The following ATR variants were observed in gnomAD, a reference collection of about 807,000 sequenced individuals.
ATR encodes ATR checkpoint kinase, also known as serine/threonine-protein kinase ATR.
Under a neutral mutation model 305.3 loss-of-function variants are expected in ATR, and 142 were observed. The observed-to-expected ratio is 0.47, with a 90% CI of 0.41 to 0.53. ATR has a LOEUF of 0.53. Ranked by LOEUF, ATR falls within the 20% of genes least tolerant of loss-of-function variation. ATR has a pLI of 0.00. For synonymous variants in ATR, 1,050 were observed against 1,068.1 expected (o/e 0.98, Z 0.33); for missense variants, 2,135 against 3,133.1 (o/e 0.68, Z 7.60).
intron 21 of ATR, among the ~76,000 whole-genome samples, chr3:142,527,860 T>C (rs984164544): frequency 2.0e-5 from 3 of 152,180 alleles, no homozygotes; most frequent in Admixed American, 2.0e-4. Flanking sequence ...AAGGAATCTG[T>C]ACCCATCAGC....
chr3:142,505,146 G>A lies in ATR; in HGVS notation c.5189C>T (p.Pro1730Leu), dbSNP rs769649094. The change falls in exon 29 of 47, where the codon CCA becomes CTA. Residue 1730 changes from proline (P) to leucine (L), a missense_variant. Physicochemically the swap from Pro to Leu is moderately conservative, Grantham distance 98. Coordinates refer to ENST00000350721, the MANE Select transcript of ATR (RefSeq NM_001184.4). ...TTTCAATTATTATCTTACCTGGTCTGGTTCTAGCTGAATAGCCCTGTCATA... is the reference window on the plus strand; with the variant it reads ...TTTCAATTATTATCTTACCTGGTCTAGTTCTAGCTGAATAGCCCTGTCATA... ...ACYDRAIQLEPDQIIHYHGVV... is the reference protein window; with the variant it reads ...ACYDRAIQLELDQIIHYHGVV... The A allele has an allele frequency of 6.2e-7, 1 of 1,614,072 alleles. No individual in the cohort carries two copies. Among genetic ancestry groups the A allele is most frequent in the Non-Finnish European group, 8.5e-7 (1 of 1,179,978 alleles).
chr3:142,510,261 C>T (rs745903292), intron 27 of ATR, among the ~76,000 whole-genome samples: 2 of 151,992 alleles, frequency 1.3e-5, no homozygotes, highest in Non-Finnish European at 2.9e-5. Context: ...TTTGGGAGAT[C>T]GAGGCAGATG....
intron 40 of ATR, 163 bp from the exon 41 acceptor site, chr3:142,465,403 C>G (rs1288514004): frequency 2.1e-6 from 1 of 486,454 alleles, no homozygotes; most frequent in Admixed American, 3.7e-5. Flanking sequence ...TATCTATGAC[C>G]TATGAAAAGA....
At chr3:142,547,458 T>C (rs539850387) in intron 16 of ATR, among the ~76,000 whole-genome samples, 15 of 152,326 alleles carry the variant, frequency 9.8e-5, no homozygotes, top group African/African-American at 3.6e-4. Flanking sequence ...TCAATGCTAA[T>C]ATATGTTGTT....
intron 32 of ATR, 38 bp downstream of exon 32, chr3:142,498,559 T>C (rs1483738493): frequency 1.2e-5 from 20 of 1,602,384 alleles, no homozygotes; most frequent in African/African-American, 2.7e-5. Context: ...AGGTGACATT[T>C]ATAGGCCAGA....
intron 19 of ATR, among the ~76,000 whole-genome samples, chr3:142,536,675 G>C (rs1386409412): frequency 6.6e-6 from 1 of 152,210 alleles, no homozygotes; most frequent in Non-Finnish European, 1.5e-5. Context: ...CGGAATGAGA[G>C]AGGGCCCAGC....
intron 46 of ATR, chr3:142,451,557 C>A: frequency 7.5e-7 from 1 of 1,332,256 alleles, no homozygotes. Flanking sequence ...GGGCACTTGT[C>A]TGTATGCTTC....
At chr3:142,522,593 A>C in intron 23 of ATR, 135 bp downstream of exon 23, 1 of 803,872 alleles carries the variant, frequency 1.2e-6, no homozygotes, top group Non-Finnish European at 2.1e-6. Context: ...GTACTCTAAA[A>C]TGTTTATCAT....
intron 2 of ATR, among the ~76,000 whole-genome samples, chr3:142,566,787 AG>A (rs2035090857): frequency 6.6e-6 from 1 of 151,460 alleles, no homozygotes; most frequent in African/African-American, 2.4e-5. Context: ...TCTGTTGCCC[AG>A]GCTGGAGTGT....
At chr3:142,451,623 A>G in intron 46 of ATR, 1 of 1,260,890 alleles carries the variant, frequency 7.9e-7, no homozygotes, top group Non-Finnish European at 1.0e-6. Flanking sequence ...TCTGTTGCCC[A>G]GGCTGGAGTG....
intron 39 of ATR, 114 bp downstream of exon 39, chr3:142,467,820 A>C: frequency 1.5e-5 from 17 of 1,149,070 alleles, no homozygotes; most frequent in African/African-American, 1.6e-5. Context: ...ATTTTGATAT[A>C]TGTGTACACC....
At chr3:142,489,353 A>C (rs6768384) in intron 35 of ATR, among the ~76,000 whole-genome samples, 7,696 of 152,076 alleles carry the variant, frequency 0.051, 664 homozygotes, top group African/African-American at 0.18. Flanking sequence ...AATAAAGTAA[A>C]ATTTTAAATC....
intron 36 of ATR, among the ~76,000 whole-genome samples, chr3:142,477,775 T>C (rs567350563): frequency 1.3e-5 from 2 of 152,192 alleles, no homozygotes; most frequent in Non-Finnish European, 2.9e-5. Context: ...TCAGAGCCTG[T>C]TATTGGTCCA....
intron 21 of ATR, among the ~76,000 whole-genome samples, chr3:142,527,639 T>C (rs1228772930): frequency 6.6e-6 from 1 of 152,208 alleles, no homozygotes; most frequent in Non-Finnish European, 1.5e-5. Flanking sequence ...CTGTTCTCTA[T>C]ATTTCTGCTT....
In ATR at chr3:142,519,548, C is replaced by T. The variant is rs2033052685; in HGVS notation, c.4382+121G>A. The stretch of plus-strand genomic sequence containing the variant: ...AACTCCTGACCTCGTGATCCGCCCG[C>T]CTCAGCCTCCCAAAGTGCTGGGATT... On this transcript the variant is annotated intron_variant, in intron 24 of 46. Transcript: ENST00000350721. The T allele has an allele frequency of 5.4e-6, 4 of 741,370 alleles. No homozygotes were observed. The Admixed American group carries it at 9.2e-5, about 17-fold the overall frequency. The allele number at this position is 741,370 out of a possible 1,614,324, so 45.9% of individuals were successfully genotyped here.
intron 36 of ATR, 81 bp from the exon 37 acceptor site, chr3:142,470,264 T>A: frequency 1.7e-6 from 2 of 1,187,036 alleles, no homozygotes; most frequent in Non-Finnish European, 2.4e-6. Context: ...AGATTCAAAC[T>A]ACCACATACC....
chr3:142,449,465 T>C lies in ATR; in HGVS notation c.7899A>G (p.Leu2633=), dbSNP rs147649584. The C allele has an allele frequency of 4.5e-5, 73 of 1,612,264 alleles. No individual in the cohort carries two copies. Among genetic ancestry groups the C allele is most frequent in the Non-Finnish European group, 5.6e-5 (66 of 1,178,388 alleles). Residue 2633 remains leucine, a synonymous_variant, in exon 47 of 47, where the codon CTA becomes CTG. Transcript: ENST00000350721. ...LIQEATDENL[L]CQMYLGWTPY... The stretch of plus-strand genomic sequence containing the variant: ...GAGTCCAACCAAGATACATCTGGCA[T>C]AGTAAGTTTTCATCAGTAGCTTCCT...
intron 8 of ATR, among the ~76,000 whole-genome samples, chr3:142,557,759 A>G (rs1180601116): frequency 2.0e-5 from 3 of 152,158 alleles, no homozygotes; most frequent in African/African-American, 7.2e-5. Context: ...CAGCCTCCCT[A>G]GTAGCTGGGA....
At chr3:142,572,568 T>C (rs367987307) in intron 1 of ATR, among the ~76,000 whole-genome samples, 4 of 151,548 alleles carry the variant, frequency 2.6e-5, no homozygotes, top group East Asian at 2.0e-4. Context: ...AGCTCAGGAG[T>C]TTGAGACCAG....
Sources: gnomAD v4.1 joint callset for allele counts (sites outside exome capture counted in the v4.1 genomes callset) on GRCh38, gnomAD v4.1.1 for gene constraint, MANE v1.5 for transcripts, NCBI Gene and HGNC (gene_info 2026-07-23, HGNC 2026-07-21) for gene names.